The following SMARCA4 variants were observed in gnomAD, a reference collection of about 807,000 sequenced individuals.
SMARCA4 encodes the protein SWI/SNF-related matrix-associated actin-dependent regulator of chromatin subfamily A member 4.
In SMARCA4, 31 loss-of-function variants were observed where a neutral mutation model predicts 193.9. That is an observed-to-expected ratio of 0.16 (90% confidence interval 0.12 to 0.22). The LOEUF (loss-of-function observed/expected upper bound fraction) is 0.22, where lower values mean the gene tolerates loss of function less well. Among genes scored for constraint, SMARCA4 ranks in the 10% least tolerant of loss-of-function variants. SMARCA4 has a pLI of 1.00. For synonymous variants in SMARCA4, 942 were observed against 933.1 expected, an observed-to-expected ratio of 1.01 and a Z score of -0.17; for missense variants, 1,148 against 2,296.0, an observed-to-expected ratio of 0.50 and a Z score of 10.22.
chr19:11,061,031 G>T (rs531516290), intron 34 of SMARCA4, among the ~76,000 whole-genome samples: 20 of 151,624 alleles, frequency 1.3e-4, no homozygotes, highest in Non-Finnish European at 2.5e-4. Flanking sequence ...TGTTTAAAAA[G>T]GTTTTATGAG....
chr19:10,968,513 T>C (rs2084416147), intron 1 of SMARCA4, among the ~76,000 whole-genome samples: 1 of 152,040 alleles, frequency 6.6e-6, no homozygotes, highest in Non-Finnish European at 1.5e-5. Flanking sequence ...TTTTTTTCTT[T>C]CCACTTTTTA....
At chr19:11,035,474 G>C (rs1371218398) in intron 29 of SMARCA4, among the ~76,000 whole-genome samples, 1 of 152,244 alleles carries the variant, frequency 6.6e-6, no homozygotes, top group Non-Finnish European at 1.5e-5. Context: ...GTACCTGCCA[G>C]GAGGGAGGCA....
At chr19:11,053,878 T>G (rs2147020275) in intron 30 of SMARCA4, among the ~76,000 whole-genome samples, 1 of 152,268 alleles carries the variant, frequency 6.6e-6, no homozygotes. Context: ...ACCACTGCAC[T>G]CTAGCCTGGG....
intron 1 of SMARCA4, among the ~76,000 whole-genome samples, chr19:10,974,942 C>T (rs1272768559): frequency 6.7e-6 from 1 of 149,238 alleles, no homozygotes; most frequent in Non-Finnish European, 1.5e-5. Flanking sequence ...AGGTGATCCG[C>T]TCGCCTCAGC....
At chr19:11,000,157 G>A (rs1295574629) in intron 11 of SMARCA4, among the ~76,000 whole-genome samples, 1 of 151,600 alleles carries the variant, frequency 6.6e-6, no homozygotes, top group Non-Finnish European at 1.5e-5. Flanking sequence ...AACCTGAGAG[G>A]TGGAGGTTGC....
chr19:11,049,407 G>A (rs759103272), intron 30 of SMARCA4, among the ~76,000 whole-genome samples: 2 of 151,736 alleles, frequency 1.3e-5, no homozygotes, highest in Non-Finnish European at 2.9e-5. Context: ...ATGCAGAAAC[G>A]TTCTCTGTGG....
intron 30 of SMARCA4, among the ~76,000 whole-genome samples, chr19:11,050,342 G>A (rs547363820): frequency 1.7e-4 from 26 of 152,356 alleles, no homozygotes; most frequent in African/African-American, 5.8e-4. Flanking sequence ...GCAGCCCTGT[G>A]GTTACTGTAG....
intron 1 of SMARCA4, among the ~76,000 whole-genome samples, chr19:10,968,780 C>T (rs551180236): frequency 6.6e-5 from 10 of 152,226 alleles, no homozygotes; most frequent in East Asian, 1.9e-4. Flanking sequence ...CTGCTGTGTG[C>T]GACCCATCTT....
chr19:11,016,240 A>G (rs1178043682), intron 16 of SMARCA4, among the ~76,000 whole-genome samples: 1 of 152,010 alleles, frequency 6.6e-6, no homozygotes, highest in African/African-American at 2.4e-5. Flanking sequence ...CATCCCCAGT[A>G]CAGTACAGGC....
At chr19:11,018,604 G>A (rs545831683) in intron 16 of SMARCA4, among the ~76,000 whole-genome samples, 12 of 152,318 alleles carry the variant, frequency 7.9e-5, no homozygotes, top group South Asian at 2.1e-4. Flanking sequence ...GGCTCTGGGC[G>A]TGAAGCCTGT....
At position 11,058,237 on chromosome 19, in the gene SMARCA4, G is replaced by T. The variant is rs769612645; in HGVS notation, c.4425-18G>T. Reference sequence around the variant, plus strand: ...GTGGGCGGACTCGGGGGTGATAGCCGCCGGTTCTGCCTTGCAGCAGCAGTG... The same window carrying T: ...GTGGGCGGACTCGGGGGTGATAGCCTCCGGTTCTGCCTTGCAGCAGCAGTG... On this transcript the variant is annotated intron_variant, in intron 30 of 34. Transcript: ENST00000344626. This position sits in a 1 kb window ranked among gnomAD's most constrained non-coding sequence, Gnocchi z 5.8. 6.3e-7 allele frequency: 1 copy of T among 1,591,846 alleles called. No homozygotes were observed. The highest frequency in any genetic ancestry group is 1.1e-5 in the South Asian group (1 of 90,768).
rs1443678229 is a variant in SMARCA4, at chr19:10,974,649, A to G, written c.-31-9472A>G. Among the ~76,000 whole-genome samples, 3 of 110,386 alleles carry G rather than the reference A, an allele frequency of 2.7e-5. No homozygotes were observed. The Admixed American group carries it at 3.3e-4, about 12-fold the overall frequency. The allele number at this position is 110,386 out of a possible 152,430, so 72.4% of individuals were successfully genotyped here. The stretch of plus-strand genomic sequence containing the variant: ...GCATGTTTTCTTTGGGGTAATTTCT[A>G]TGCATGGATTAACATGCATATATAT... On this transcript the variant is annotated intron_variant, in intron 1 of 34. Transcript: ENST00000344626.
At chr19:11,005,362 C>T (rs2088097078) in intron 13 of SMARCA4, among the ~76,000 whole-genome samples, 1 of 151,962 alleles carries the variant, frequency 6.6e-6, no homozygotes, top group Non-Finnish European at 1.5e-5. Context: ...TGATTTTTTT[C>T]CTGGTTCATT....
intron 22 of SMARCA4, 149 bp from the exon 23 acceptor site, chr19:11,026,151 C>G (rs1282253314): frequency 1.4e-6 from 1 of 719,212 alleles, no homozygotes; most frequent in African/African-American, 1.7e-5. Context: ...GTTTTGGCAT[C>G]TGTGTCTGGT....
intron 30 of SMARCA4, among the ~76,000 whole-genome samples, chr19:11,053,540 C>T (rs1036022978): frequency 1.3e-5 from 2 of 152,130 alleles, no homozygotes; most frequent in South Asian, 4.2e-4. Context: ...CCGATTTCTG[C>T]GTTGTCTGTG....
rs1436015017 is a variant in SMARCA4, at chr19:11,003,176, A to G, written c.1943+17A>G. On this transcript the variant is annotated intron_variant, in intron 12 of 34. Transcript: ENST00000344626. ...GAACCCGGGGTGAGTTGGGCCTTGC[A>G]TTCCAGATGCAGTGGGGATCCAAGT... is the stretch of plus-strand genomic sequence containing the variant. 6.2e-7 allele frequency: 1 copy of G among 1,614,034 alleles called. No homozygotes were observed. Among genetic ancestry groups the G allele is most frequent in the Non-Finnish European group, 8.5e-7 (1 of 1,179,968 alleles).
intron 1 of SMARCA4, among the ~76,000 whole-genome samples, chr19:10,974,454 CTTT>C (rs200604261): frequency 7.3e-6 from 1 of 136,518 alleles, no homozygotes; most frequent in Non-Finnish European, 1.6e-5. Flanking sequence ...CTGATTTAGG[CTTT>C]TTTTTTTTTT....
chr19:11,034,043 A>C lies in SMARCA4; in HGVS notation c.3874-80A>C, dbSNP rs2075108002. 9.3e-7 allele frequency: 1 copy of C among 1,079,956 alleles called. No individual in the cohort carries two copies. Among genetic ancestry groups the C allele is most frequent in the Admixed American group, 1.7e-5 (1 of 59,284 alleles). The allele number at this position is 1,079,956 out of a possible 1,614,324, so 66.9% of individuals were successfully genotyped here. A position where few individuals can be genotyped will look rare whatever the true frequency, so the allele number is the denominator to read the frequency against. The stretch of plus-strand genomic sequence containing the variant: ...CGGGACCACCAGCTCATTCCCACGG[A>C]CGCCGCCGCTCGCCTCTGAGCTCGG... On this transcript the variant is annotated intron_variant, in intron 27 of 34. Coordinates refer to ENST00000344626, the MANE Select transcript of SMARCA4 (RefSeq NM_003072.5). The surrounding 1 kb of genome is among the most constrained non-coding windows in gnomAD (Gnocchi z 7.0).
At position 10,985,927 on chromosome 19, in the gene SMARCA4, A is replaced by G. The variant is rs1260231164; in HGVS notation, c.356-262A>G. Among the ~76,000 whole-genome samples the G allele has an allele frequency of 6.6e-6, 1 of 152,098 alleles. No individual in the cohort carries two copies. Among genetic ancestry groups the G allele is most frequent in the Admixed American group, 6.5e-5 (1 of 15,274 alleles). On this transcript the variant is annotated intron_variant, in intron 3 of 34. Transcript: ENST00000344626. This position sits in a 1 kb window ranked among gnomAD's most constrained non-coding sequence, Gnocchi z 4.5. Reference sequence around the variant, plus strand: ...TGTGGACAGGCAGGCGGAAGCCGGGAGAGAGCCGTGATTTCATGCACAGGT... The same window carrying G: ...TGTGGACAGGCAGGCGGAAGCCGGGGGAGAGCCGTGATTTCATGCACAGGT...
Sources: gnomAD v4.1 joint callset for allele counts (sites outside exome capture counted in the v4.1 genomes callset) on GRCh38, gnomAD v4.1.1 for gene constraint, Gnocchi (gnomAD v3.1) non-coding constraint, MANE v1.5 for transcripts, NCBI Gene and HGNC (gene_info 2026-07-23, HGNC 2026-07-21) for gene names.